SEMA3D: variants seen among roughly 807,000 people sequenced by gnomAD.
SEMA3D encodes the protein semaphorin 3D.
Under a neutral mutation model 100.1 loss-of-function variants are expected in SEMA3D, and 84 were observed. The observed-to-expected ratio is 0.84, with a 90% CI of 0.70 to 1.01. The LOEUF (loss-of-function observed/expected upper bound fraction) is 1.01. Among genes scored for constraint, SEMA3D ranks in the 50% least tolerant of loss-of-function variants. The pLI, the probability that SEMA3D is intolerant of heterozygous loss-of-function variation, is 0.00. For synonymous variants in SEMA3D, 312 were observed against 320.7 expected (o/e 0.97, Z 0.29); for missense variants, 875 against 934.1 (o/e 0.94, Z 0.82).
rs759620017 is a variant in SEMA3D at position 85,097,860 on chromosome 7, G to T, written c.257C>A (p.Ala86Asp). The T allele has an allele frequency of 1.9e-6, 3 of 1,608,694 alleles. No homozygotes were observed. Among genetic ancestry groups the T allele is most frequent in the Non-Finnish European group, 2.6e-6 (3 of 1,176,164 alleles). ...DEERGRLLLG[A>D]KDHIFLLSLV... ...ACTGAGTAGAAAGATGTGGTCTTTG[G>T]CTCCCAAGAGCAGCCTGCCTCTTTC... Residue 86 changes from alanine to aspartate, a missense_variant, in exon 4 of 19, where the codon GCC (alanine) becomes GAC (aspartate). Transcript: ENST00000284136.
Position 85,066,356 on chromosome 7 carries a change from AGAG to A in SEMA3D, c.590-807_590-805del, listed in dbSNP as rs1327834029. ...GGGAAGTAAGAGGAAGAGGGGGAAA[AGAG>A]GAGGCAGGAGAAGGGGAGGACAAAG... is the stretch of plus-strand genomic sequence containing the variant. On this transcript the variant is annotated intron_variant, in intron 7 of 18. Transcript: ENST00000284136. Among the ~76,000 whole-genome samples the A allele has an allele frequency of 1.1e-4, 16 of 151,972 alleles. 2 individuals carry two copies. The highest frequency in any genetic ancestry group is 4.2e-4 in the South Asian group (2 of 4,808).
chr7:85,099,703 G>C (rs1238179271), intron 3 of SEMA3D, among the ~76,000 whole-genome samples: 2 of 151,746 alleles, frequency 1.3e-5, no homozygotes, highest in African/African-American at 2.4e-5. Context: ...TGGTATCAGT[G>C]TTTTCGATTT....
intron 2 of SEMA3D, among the ~76,000 whole-genome samples, chr7:85,139,797 T>C (rs1463144126): frequency 1.3e-5 from 2 of 152,092 alleles, no homozygotes; most frequent in Non-Finnish European, 2.9e-5. Flanking sequence ...AATACTATTG[T>C]ATTTTCTTCT....
At chr7:85,200,552 T>C in the SEMA3D span, among the ~76,000 whole-genome samples, 1 of 152,180 alleles carries the variant, frequency 6.6e-6, no homozygotes, top group African/African-American at 2.4e-5. Context: ...TTGGGTGCTG[T>C]TAAAGACATT....
chr7:85,039,406 C>A (rs113319283), intron 11 of SEMA3D, among the ~76,000 whole-genome samples: 4 of 151,978 alleles, frequency 2.6e-5, no homozygotes, highest in Non-Finnish European at 5.9e-5. Flanking sequence ...TACAGGCGCC[C>A]GCAACCACAC....
chr7:85,205,760 T>C, the SEMA3D span, among the ~76,000 whole-genome samples: 2 of 152,028 alleles, frequency 1.3e-5, no homozygotes, highest in Non-Finnish European at 2.9e-5. Context: ...CAATATGCAT[T>C]ATCCATGTAG....
At chr7:85,153,015 T>C (rs1247563552) in intron 2 of SEMA3D, among the ~76,000 whole-genome samples, 1 of 152,082 alleles carries the variant, frequency 6.6e-6, no homozygotes. Context: ...CTAATGGCAA[T>C]GTTATAATGT....
At chr7:85,159,426 C>G (rs1790685227) in intron 1 of SEMA3D, among the ~76,000 whole-genome samples, 1 of 152,140 alleles carries the variant, frequency 6.6e-6, no homozygotes. Flanking sequence ...CCTCATCTGT[C>G]TTTATTACCT....
chr7:84,999,873 A>T lies in SEMA3D; in HGVS notation c.1909-8T>A. The T allele has an allele frequency of 6.2e-7, 1 of 1,609,462 alleles. No homozygotes were observed. The highest frequency in any genetic ancestry group is 8.5e-7 in the Non-Finnish European group (1 of 1,177,020). ...TCTTTCATCGGGCTTCAACTGCAGAATTGGAAAAATGTAGGTAATAAATTA... is the reference window on the plus strand; with the variant it reads ...TCTTTCATCGGGCTTCAACTGCAGATTTGGAAAAATGTAGGTAATAAATTA... On this transcript the variant is annotated splice_polypyrimidine_tract_variant and splice_region_variant and intron_variant, in intron 18 of 18. Transcript: ENST00000284136.
chr7:85,237,361 T>C, the SEMA3D span, among the ~76,000 whole-genome samples: 1 of 152,200 alleles, frequency 6.6e-6, no homozygotes, highest in Admixed American at 6.5e-5. Context: ...TTTAGATCAA[T>C]GTTATAATGA....
the SEMA3D span, among the ~76,000 whole-genome samples, chr7:85,214,457 G>A: frequency 6.6e-6 from 1 of 152,032 alleles, no homozygotes; most frequent in African/African-American, 2.4e-5. Flanking sequence ...GCTGGAAGGA[G>A]GGAATGAGAT....
chr7:85,073,460 G>C (rs1169345208), intron 5 of SEMA3D, among the ~76,000 whole-genome samples: 1 of 151,190 alleles, frequency 6.6e-6, no homozygotes, highest in East Asian at 1.9e-4. Flanking sequence ...ATGTTGTCCA[G>C]ACTGGCCTCA....
At chr7:85,134,209 T>C (rs1562830725) in intron 2 of SEMA3D, among the ~76,000 whole-genome samples, 1 of 151,944 alleles carries the variant, frequency 6.6e-6, no homozygotes, top group African/African-American at 2.4e-5. Flanking sequence ...TGTTAGACTA[T>C]ACAAAATAAA....
At chr7:85,160,395 G>A (rs182083940) in intron 1 of SEMA3D, among the ~76,000 whole-genome samples, 1 of 152,014 alleles carries the variant, frequency 6.6e-6, no homozygotes, top group African/African-American at 2.4e-5. Context: ...CAGGCAGAAT[G>A]AGTAAAATAA....
intron 1 of SEMA3D, among the ~76,000 whole-genome samples, chr7:85,170,379 T>C (rs747878316): frequency 3.1e-4 from 47 of 151,882 alleles, no homozygotes; most frequent in Non-Finnish European, 5.9e-4. Flanking sequence ...CAGACTTCTA[T>C]GTATGTGGAA....
intron 9 of SEMA3D, among the ~76,000 whole-genome samples, chr7:85,049,607 G>A (rs539209636): frequency 4.4e-4 from 67 of 151,824 alleles, no homozygotes; most frequent in African/African-American, 1.5e-3. Flanking sequence ...TCTGTAACTC[G>A]TGGGCACTAA....
At chr7:85,020,763 C>A (rs1193607048) in intron 13 of SEMA3D, among the ~76,000 whole-genome samples, 2 of 151,294 alleles carry the variant, frequency 1.3e-5, no homozygotes, top group Non-Finnish European at 3.0e-5. Flanking sequence ...GATATATATT[C>A]TTTTAATAAT....
chr7:85,066,913 C>CACACACACACACACACACAGAGAG lies in SEMA3D; in HGVS notation c.589+1277_589+1278insCTCTCTGTGTGTGTGTGTGTGTGT. On this transcript the variant is annotated intron_variant, in intron 7 of 18. Coordinates refer to ENST00000284136, the MANE Select transcript of SEMA3D (RefSeq NM_001384900.1). ...GCGCTCACACACACACACACACACACAGAGAGAGAGAGAGAGAGAGAGAGA... is the reference window on the plus strand; with the variant it reads ...GCGCTCACACACACACACACACACACACACACACACACACACACAGAGAGAGAGAGAGAGAGAGAGAGAGAGAGA... 1.3e-3 allele frequency among the ~76,000 whole-genome samples: 163 copies of CACACACACACACACACACAGAGAG among 127,804 alleles called. 2 individuals are homozygous for CACACACACACACACACACAGAGAG. The highest frequency in any genetic ancestry group is 4.8e-3 in the African/African-American group (152 of 31,740). The allele number at this position is 127,804 out of a possible 152,430, so 83.8% of individuals were successfully genotyped here.
the SEMA3D span, among the ~76,000 whole-genome samples, chr7:85,241,467 G>GTGTGTATATATATATATATATATA: frequency 4.1e-4 from 38 of 91,948 alleles, no homozygotes; most frequent in South Asian, 2.8e-3. Context: ...CTGTGTGTGT[G>GTGTGTATATATATATATATATATA]TATATATATA....
Sources: gnomAD v4.1 joint callset for allele counts (sites outside exome capture counted in the v4.1 genomes callset) on GRCh38, gnomAD v4.1.1 for gene constraint, MANE v1.5 for transcripts, NCBI Gene and HGNC (gene_info 2026-07-23, HGNC 2026-07-21) for gene names.